Variants in ERBB4 observed in about 807,000 individuals in gnomAD.
ERBB4 encodes receptor tyrosine-protein kinase erbB-4.
In ERBB4, 42 loss-of-function variants were observed where a neutral mutation model predicts 158.0. The ratio of observed to expected loss-of-function variants is 0.27; its 90% CI spans 0.21 to 0.34. The LOEUF (loss-of-function observed/expected upper bound fraction) is 0.34. ERBB4 is among the 10% of genes least tolerant of loss of function. ERBB4 has a pLI of 1.00. For synonymous variants in ERBB4, 583 were observed against 558.7 expected (o/e 1.04, Z -0.61); for missense variants, 1,333 against 1,624.1 (o/e 0.82, Z 3.08).
At chr2:211,432,605 C>CAAAAAAAAAA (rs60438750) in intron 20 of ERBB4, among the ~76,000 whole-genome samples, 1 of 135,030 alleles carries the variant, frequency 7.4e-6, no homozygotes. Flanking sequence ...CTTAAAGGAT[C>CAAAAAAAAAA]AAAAAAAAAA....
intron 25 of ERBB4, among the ~76,000 whole-genome samples, chr2:211,391,982 A>G (rs1004958704): frequency 6.6e-6 from 1 of 152,206 alleles, no homozygotes; most frequent in East Asian, 1.9e-4. Context: ...TAATTATAAG[A>G]TTACAATTTC....
intron 3 of ERBB4, among the ~76,000 whole-genome samples, chr2:211,939,047 C>T (rs182659335): frequency 6.6e-6 from 1 of 152,142 alleles, no homozygotes; most frequent in African/African-American, 2.4e-5. Flanking sequence ...TTGTATTGCA[C>T]GTTTGCTTGT....
chr2:211,828,885 T>C (rs913187153), intron 3 of ERBB4, among the ~76,000 whole-genome samples: 1 of 152,252 alleles, frequency 6.6e-6, no homozygotes, highest in Middle Eastern at 3.4e-3. Flanking sequence ...GGGAGCACTG[T>C]TGCCACAGTC....
chr2:211,812,138 T>C (rs1178603006), intron 3 of ERBB4, among the ~76,000 whole-genome samples: 1 of 152,208 alleles, frequency 6.6e-6, no homozygotes, highest in Non-Finnish European at 1.5e-5. Flanking sequence ...GCTTTTCTGC[T>C]CTGGTTTCTC....
At chr2:212,121,686 T>G (rs2079754521) in intron 2 of ERBB4, among the ~76,000 whole-genome samples, 1 of 152,338 alleles carries the variant, frequency 6.6e-6, no homozygotes, top group African/African-American at 2.4e-5. Flanking sequence ...AAACTTTTTC[T>G]TCATCAACAC....
intron 1 of ERBB4, among the ~76,000 whole-genome samples, chr2:212,286,082 G>A (rs1312367960): frequency 2.0e-5 from 3 of 152,066 alleles, no homozygotes; most frequent in Admixed American, 6.6e-5. Flanking sequence ...TCCCTTGAGT[G>A]TCTCCTCATA....
chr2:211,389,836 C>T (rs2062764758), intron 25 of ERBB4, among the ~76,000 whole-genome samples: 1 of 152,024 alleles, frequency 6.6e-6, no homozygotes, highest in African/African-American at 2.4e-5. Context: ...TTTGTAAACT[C>T]TACACTATTA....
At chr2:211,964,052 G>A (rs1262663341) in intron 2 of ERBB4, among the ~76,000 whole-genome samples, 1 of 152,090 alleles carries the variant, frequency 6.6e-6, no homozygotes, top group Non-Finnish European at 1.5e-5. Flanking sequence ...AAGGAAACTG[G>A]ACAAAGACAC....
chr2:211,510,192 C>A (rs2065852318), intron 20 of ERBB4, among the ~76,000 whole-genome samples: 1 of 152,014 alleles, frequency 6.6e-6, no homozygotes, highest in Admixed American at 6.6e-5. Context: ...CCTAAGTTGA[C>A]CATCAATGGG....
chr2:211,777,771 G>A (rs2075920486), intron 4 of ERBB4: 1 of 151,980 alleles, frequency 6.6e-6, no homozygotes, highest in South Asian at 2.1e-4. Flanking sequence ...ATGACAATTC[G>A]AAATCGCAAA....
At chr2:212,122,156 A>G (rs1030299269) in intron 2 of ERBB4, among the ~76,000 whole-genome samples, 1 of 151,796 alleles carries the variant, frequency 6.6e-6, no homozygotes, top group Non-Finnish European at 1.5e-5. Flanking sequence ...ATACACAAAC[A>G]CATATATGTA....
intron 2 of ERBB4, among the ~76,000 whole-genome samples, chr2:212,022,733 G>A (rs2076683912): frequency 6.6e-6 from 1 of 151,926 alleles, no homozygotes; most frequent in South Asian, 2.1e-4. Context: ...AATTAACTGG[G>A]TTTGAGTTTT....
At chr2:211,780,187 G>T (rs1575138083) in intron 4 of ERBB4, among the ~76,000 whole-genome samples, 1 of 152,074 alleles carries the variant, frequency 6.6e-6, no homozygotes, top group East Asian at 1.9e-4. Context: ...CGTAGGGAGA[G>T]CCTGTCTCTA....
At chr2:212,456,253 GACA>G (rs536007979) in intron 1 of ERBB4, among the ~76,000 whole-genome samples, 100 of 152,080 alleles carry the variant, frequency 6.6e-4, no homozygotes, top group Non-Finnish European at 1.1e-3. Context: ...TATAAAGAAT[GACA>G]ACAATATGTA....
At chr2:212,247,675 T>A (rs949408486) in intron 1 of ERBB4, among the ~76,000 whole-genome samples, 3 of 152,140 alleles carry the variant, frequency 2.0e-5, no homozygotes, top group Admixed American at 6.6e-5. Context: ...GAAATAATGG[T>A]GTATTAGGCC....
At chr2:212,321,137 T>C (rs893024385) in intron 1 of ERBB4, among the ~76,000 whole-genome samples, 2 of 150,308 alleles carry the variant, frequency 1.3e-5, no homozygotes, top group African/African-American at 4.8e-5. Context: ...AAAAAGGTGC[T>C]CTTTTACTAA....
chr2:211,447,319 C>A (rs2064135691), intron 20 of ERBB4, among the ~76,000 whole-genome samples: 1 of 152,004 alleles, frequency 6.6e-6, no homozygotes, highest in African/African-American at 2.4e-5. Context: ...ATAGTTCAAT[C>A]CATTATTAGA....
chr2:211,712,308 T>G, intron 8 of ERBB4, 132 bp from the exon 9 acceptor site: 1 of 871,570 alleles, frequency 1.1e-6, no homozygotes, highest in Non-Finnish European at 1.8e-6. Flanking sequence ...TTTTGTTTTC[T>G]AAAAAGTAAA....
Position 211,679,062 on chromosome 2 carries a change from G to C in ERBB4, c.1612C>G (p.Leu538Val). ...RGRICIESCN[L>V]YDGEFREFEN... ...TAGAAGAAGCCTTACCCATCATAGAGGTTACAAGACTCTATGCAGATCCTT... is the reference window on the plus strand; with the variant it reads ...TAGAAGAAGCCTTACCCATCATAGACGTTACAAGACTCTATGCAGATCCTT... The change falls in exon 13 of 28, where the codon CTC (leucine) becomes GTC (valine). Residue 538 changes from leucine to valine, a missense_variant. Leu to Val is a conservative substitution (Grantham distance 32). Around this residue, in one of 5 missense-constraint regions of ERBB4, gnomAD observed 245 missense variants for 247.5 expected, o/e 0.99. Transcript: ENST00000342788. 6.2e-7 allele frequency: 1 copy of C among 1,611,306 alleles called. No homozygotes were observed. Among genetic ancestry groups the C allele is most frequent in the South Asian group, 1.1e-5 (1 of 91,018 alleles).
Sources: allele counts gnomAD v4.1 joint callset (sites outside exome capture counted in the v4.1 genomes callset), GRCh38; gene constraint gnomAD v4.1.1; regional missense constraint gnomAD v4.1.1; transcripts MANE v1.5; gene names NCBI Gene and HGNC (gene_info 2026-07-23, HGNC 2026-07-21).